SMYD3: variants seen among roughly 807,000 people sequenced by gnomAD.
The protein encoded by SMYD3 is histone-lysine N-methyltransferase SMYD3.
SMYD3 carries 36 observed loss-of-function variants against 57.7 expected under a neutral mutation model. The ratio of observed to expected loss-of-function variants is 0.62; its 90% CI spans 0.48 to 0.82. SMYD3 has a LOEUF of 0.82. Among genes scored for constraint, SMYD3 ranks in the 40% least tolerant of loss-of-function variants. The pLI is 0.00. For synonymous variants in SMYD3, 211 were observed against 195.0 expected (o/e 1.08, Z -0.68); for missense variants, 515 against 538.8 (o/e 0.96, Z 0.44).
intron 5 of SMYD3, among the ~76,000 whole-genome samples, chr1:246,292,955 A>AT (rs1480802579): frequency 2.6e-5 from 4 of 152,132 alleles, no homozygotes; most frequent in African/African-American, 9.7e-5. Flanking sequence ...GTTGGGAAAA[A>AT]TTGCTGATGA....
chr1:245,896,088 A>C (rs1429634198), intron 8 of SMYD3, among the ~76,000 whole-genome samples: 1 of 152,168 alleles, frequency 6.6e-6, no homozygotes, highest in Admixed American at 6.5e-5. Flanking sequence ...GATCCTACTC[A>C]ATCTCTCTTC....
chr1:245,816,999 T>G (rs539399531), intron 10 of SMYD3, among the ~76,000 whole-genome samples: 263 of 151,292 alleles, frequency 1.7e-3, no homozygotes, highest in African/African-American at 5.9e-3. Flanking sequence ...CAGGCTTGCT[T>G]AGGTAAACAA....
At chr1:246,094,739 A>G (rs2060883749) in intron 5 of SMYD3, among the ~76,000 whole-genome samples, 1 of 152,236 alleles carries the variant, frequency 6.6e-6, no homozygotes, top group Non-Finnish European at 1.5e-5. Flanking sequence ...ATATCACATG[A>G]GCCATACTTC....
rs1332519250 is a variant in SMYD3, at chr1:245,923,577, T to C, written c.702+4354A>G. The stretch of plus-strand genomic sequence containing the variant: ...CTCCTTGAACTCACCATTCTGTCCC[T>C]GGCCTCTGTGTCTATGTCTACAATG... On this transcript the variant is annotated intron_variant, in intron 7 of 11. Transcript: ENST00000490107. Among the ~76,000 whole-genome samples, 5 of 152,208 alleles carry C rather than the reference T, an allele frequency of 3.3e-5. No homozygotes were observed. The East Asian group carries it at 7.7e-4, about 23-fold the overall frequency.
At chr1:246,469,807 A>G (rs894429835) in intron 1 of SMYD3, among the ~76,000 whole-genome samples, 5 of 152,218 alleles carry the variant, frequency 3.3e-5, no homozygotes, top group African/African-American at 1.2e-4. Flanking sequence ...AGACATTTGC[A>G]TGGTCTCAAA....
chr1:246,468,098 T>C (rs940687375), intron 1 of SMYD3, among the ~76,000 whole-genome samples: 23 of 150,198 alleles, frequency 1.5e-4, no homozygotes, highest in Non-Finnish European at 3.1e-4. Flanking sequence ...GAGGTGGAAG[T>C]TGCAGTGAGC....
chr1:246,210,484 T>C (rs1005113138), intron 5 of SMYD3, among the ~76,000 whole-genome samples: 2 of 151,968 alleles, frequency 1.3e-5, no homozygotes, highest in Non-Finnish European at 2.9e-5. Context: ...CCGAGGTGGG[T>C]GGTTCACCTG....
intron 10 of SMYD3, among the ~76,000 whole-genome samples, chr1:245,772,773 TAA>T (rs2046386998): frequency 6.6e-6 from 1 of 152,144 alleles, no homozygotes. Context: ...CAGATAAGAA[TAA>T]AAGAGACTTT....
intron 8 of SMYD3, among the ~76,000 whole-genome samples, chr1:245,904,094 T>C (rs1264633764): frequency 6.6e-6 from 1 of 152,184 alleles, no homozygotes; most frequent in African/African-American, 2.4e-5. Flanking sequence ...CCAGGTCATG[T>C]GGGGATTATG....
In SMYD3 at chr1:246,304,248, T is replaced by C. The variant is rs9887892; in HGVS notation, c.531+22953A>G. Among the ~76,000 whole-genome samples, 124 of 152,306 alleles carry C rather than the reference T, an allele frequency of 8.1e-4. 2 individuals carry two copies. The highest frequency in any genetic ancestry group is 2.7e-3 in the African/African-American group (114 of 41,574). ...CAAAATACATTTGCATGAACTCCTATATAGCACACGTACAAAACAAATAGT... is the reference window on the plus strand; with the variant it reads ...CAAAATACATTTGCATGAACTCCTACATAGCACACGTACAAAACAAATAGT... On this transcript the variant is annotated intron_variant, in intron 5 of 11. Transcript: ENST00000490107.
At chr1:246,418,563 T>C (rs151254099) in intron 1 of SMYD3, among the ~76,000 whole-genome samples, 1 of 152,342 alleles carries the variant, frequency 6.6e-6, no homozygotes, top group African/African-American at 2.4e-5. Context: ...GGGATTTCTA[T>C]ATCCTGGGGT....
In SMYD3 at chr1:245,851,155, G is replaced by A. The variant is rs540770818; in HGVS notation, c.1076+7341C>T. On this transcript the variant is annotated intron_variant, in intron 10 of 11. Coordinates refer to ENST00000490107, the MANE Select transcript of SMYD3 (RefSeq NM_001167740.2). ...AACCTTGTCCATCACTGGCCAGGCCGGATTTGGTCCAGCAATTCCTCCTCA... is the reference window on the plus strand; with the variant it reads ...AACCTTGTCCATCACTGGCCAGGCCAGATTTGGTCCAGCAATTCCTCCTCA... Among the ~76,000 whole-genome samples, 15 of 152,216 alleles carry A rather than the reference G, an allele frequency of 9.9e-5. No individual in the cohort carries two copies. The East Asian group carries it at 1.2e-3, about 12-fold the overall frequency.
chr1:246,477,970 C>T (rs113414835), intron 1 of SMYD3, among the ~76,000 whole-genome samples: 2 of 152,330 alleles, frequency 1.3e-5, no homozygotes, highest in African/African-American at 4.8e-5. Context: ...AAAAGTCAGT[C>T]TCAGCTAACC....
At chr1:246,046,709 A>T (rs1053146904) in intron 5 of SMYD3, among the ~76,000 whole-genome samples, 3 of 149,340 alleles carry the variant, frequency 2.0e-5, no homozygotes, top group African/African-American at 7.3e-5. Flanking sequence ...TTTTATATAC[A>T]TATATGTAGC....
intron 5 of SMYD3, among the ~76,000 whole-genome samples, chr1:246,305,728 G>C (rs1441404310): frequency 5.9e-5 from 9 of 151,984 alleles, no homozygotes; most frequent in Admixed American, 5.9e-4. Flanking sequence ...TAACATGAAG[G>C]AATAAAAAAA....
chr1:245,834,390 T>C (rs2148395815), intron 10 of SMYD3, among the ~76,000 whole-genome samples: 1 of 152,274 alleles, frequency 6.6e-6, no homozygotes, highest in South Asian at 2.1e-4. Flanking sequence ...CAGGTAAGCA[T>C]GCGAACACTG....
At chr1:246,026,555 T>A (rs960407972) in intron 5 of SMYD3, among the ~76,000 whole-genome samples, 2 of 152,210 alleles carry the variant, frequency 1.3e-5, no homozygotes, top group African/African-American at 2.4e-5. Context: ...CTCACAATAA[T>A]TCAAACTTTT....
chr1:246,231,910 A>T (rs2148449399), intron 5 of SMYD3, among the ~76,000 whole-genome samples: 1 of 152,314 alleles, frequency 6.6e-6, no homozygotes, highest in South Asian at 2.1e-4. Context: ...CTTATGCTCC[A>T]GTTGAGTTTT....
rs190089925 is a variant in SMYD3 at position 245,865,150 on chromosome 1, T to C, written c.814-1264A>G. The stretch of plus-strand genomic sequence containing the variant: ...CTTTACTGATATTTACTGATATTGA[T>C]ATTTACTGATATTTACTGATATCGT... On this transcript the variant is annotated intron_variant, in intron 8 of 11. Coordinates refer to ENST00000490107, the MANE Select transcript of SMYD3 (RefSeq NM_001167740.2). 6.6e-5 allele frequency among the ~76,000 whole-genome samples: 10 copies of C among 152,256 alleles called. No homozygotes were observed. The East Asian group carries it at 1.7e-3, about 26-fold the overall frequency.
Sources: gnomAD v4.1 joint callset for allele counts (sites outside exome capture counted in the v4.1 genomes callset) on GRCh38, gnomAD v4.1.1 for gene constraint, MANE v1.5 for transcripts, NCBI Gene and HGNC (gene_info 2026-07-23, HGNC 2026-07-21) for gene names.